DNAH11: variants seen among roughly 807,000 people sequenced by gnomAD.
DNAH11 encodes the protein dynein axonemal heavy chain 11.
Under a neutral mutation model 526.0 loss-of-function variants are expected in DNAH11, and 442 were observed. The observed-to-expected ratio is 0.84, with a 90% CI of 0.78 to 0.91. DNAH11 has a LOEUF of 0.91. Ranked by LOEUF, DNAH11 falls within the 40% of genes least tolerant of loss-of-function variation. The pLI, the probability that DNAH11 is intolerant of heterozygous loss-of-function variation, is 0.00. For missense variants in DNAH11, 6,989 were observed against 5,448.7 expected, an observed-to-expected ratio of 1.28 and a Z score of -8.90; for synonymous variants, 2,461 against 1,935.9, an observed-to-expected ratio of 1.27 and a Z score of -7.12.
intron 73 of DNAH11, 131 bp from the exon 74 acceptor site, chr7:21,873,143 G>T (rs1783564526): frequency 8.9e-6 from 7 of 782,670 alleles, no homozygotes; most frequent in South Asian, 3.4e-5. Flanking sequence ...TTTTTATGAT[G>T]TATTGATAAA....
At chr7:21,852,730 G>A (rs1562584678) in intron 67 of DNAH11, 99 bp downstream of exon 67, 14 of 1,297,850 alleles carry the variant, frequency 1.1e-5, no homozygotes, top group Middle Eastern at 2.6e-4. Context: ...CCTCTAAGAG[G>A]ACCAGCGTGT....
chr7:21,833,670 G>A (rs1158869896), intron 65 of DNAH11, among the ~76,000 whole-genome samples: 2 of 151,740 alleles, frequency 1.3e-5, no homozygotes, highest in African/African-American at 4.8e-5. Context: ...TCTCCAGCCT[G>A]GGCAACAGAG....
intron 22 of DNAH11, 24 bp downstream of exon 22, chr7:21,616,316 C>T (rs371978437): frequency 8.9e-5 from 141 of 1,581,818 alleles, no homozygotes; most frequent in Non-Finnish European, 1.2e-4. Flanking sequence ...CTGTCTATTA[C>T]AACAATTTAT....
chr7:21,686,105 A>T (rs540290757), intron 32 of DNAH11, among the ~76,000 whole-genome samples: 7 of 152,358 alleles, frequency 4.6e-5, no homozygotes, highest in African/African-American at 1.7e-4. Context: ...TGCAATGGAT[A>T]TAAAATGCAG....
chr7:21,702,372 A>T (rs1784099894), intron 36 of DNAH11, among the ~76,000 whole-genome samples: 1 of 152,042 alleles, frequency 6.6e-6, no homozygotes, highest in South Asian at 2.1e-4. Flanking sequence ...TTCTGGTTGG[A>T]GGTGAAAACG....
chr7:21,867,342 A>G (rs1783319787), intron 71 of DNAH11, among the ~76,000 whole-genome samples: 1 of 152,174 alleles, frequency 6.6e-6, no homozygotes, highest in Non-Finnish European at 1.5e-5. Flanking sequence ...CTTTGCAGAA[A>G]CCTCTGCTGA....
intron 74 of DNAH11, among the ~76,000 whole-genome samples, chr7:21,878,825 C>G (rs920106185): frequency 6.6e-6 from 1 of 152,138 alleles, no homozygotes; most frequent in African/African-American, 2.4e-5. Flanking sequence ...GTCTGAACTA[C>G]TCACACTGGT....
chr7:21,615,296 T>A, intron 21 of DNAH11, 24 bp downstream of exon 21: 1 of 1,605,552 alleles, frequency 6.2e-7, no homozygotes, highest in Non-Finnish European at 8.5e-7. Flanking sequence ...TTTCAAAACA[T>A]GCTTTTTATT....
intron 21 of DNAH11, among the ~76,000 whole-genome samples, 182 bp downstream of exon 21, chr7:21,615,454 T>C (rs546038249): frequency 6.6e-6 from 1 of 152,270 alleles, no homozygotes; most frequent in East Asian, 1.9e-4. Flanking sequence ...CTTCTTTGAA[T>C]ACCAGTTGTT....
intron 62 of DNAH11, among the ~76,000 whole-genome samples, chr7:21,805,121 C>T (rs1027394182): frequency 6.6e-6 from 1 of 152,126 alleles, no homozygotes; most frequent in African/African-American, 2.4e-5. Flanking sequence ...CTCTGACCTC[C>T]CTACATAAAA....
intron 67 of DNAH11, 78 bp from the exon 68 acceptor site, chr7:21,854,237 A>G: frequency 2.0e-6 from 3 of 1,489,584 alleles, no homozygotes; most frequent in Non-Finnish European, 2.7e-6. Flanking sequence ...CATTTCAGGT[A>G]CGTCCTTCCA....
intron 30 of DNAH11, among the ~76,000 whole-genome samples, chr7:21,669,327 G>A (rs547300050): frequency 3.5e-4 from 53 of 152,170 alleles, no homozygotes; most frequent in African/African-American, 1.3e-3. Flanking sequence ...AAGCACCACC[G>A]TGCTCAGTTT....
At chr7:21,620,870 C>T (rs537877024) in intron 25 of DNAH11, among the ~76,000 whole-genome samples, 33 of 151,766 alleles carry the variant, frequency 2.2e-4, no homozygotes, top group African/African-American at 7.7e-4. Context: ...CAATTTCATC[C>T]ATGTCCCTAC....
chr7:21,727,926 G>A (rs575071197), intron 45 of DNAH11, among the ~76,000 whole-genome samples: 3 of 152,194 alleles, frequency 2.0e-5, no homozygotes, highest in South Asian at 2.1e-4. Context: ...ATCGCTTGCC[G>A]TGACCTCACA....
intron 54 of DNAH11, among the ~76,000 whole-genome samples, chr7:21,756,147 C>A (rs79036947): frequency 0.048 from 7,327 of 152,024 alleles, 356 homozygotes; most frequent in East Asian, 0.29. Flanking sequence ...GTTATAAAAA[C>A]TATTATTCTG....
chr7:21,702,013 G>A (rs1784083672), intron 36 of DNAH11, among the ~76,000 whole-genome samples: 1 of 152,122 alleles, frequency 6.6e-6, no homozygotes, highest in South Asian at 2.1e-4. Flanking sequence ...GCCCCAAGAA[G>A]ACAGTGAATA....
chr7:21,585,922 A>G (rs558134856), intron 9 of DNAH11, among the ~76,000 whole-genome samples: 30 of 152,370 alleles, frequency 2.0e-4, no homozygotes, highest in African/African-American at 6.5e-4. Flanking sequence ...CTTGAAGTCA[A>G]TGTGAAAGAA....
At position 21,720,994 on chromosome 7, in the gene DNAH11, T is replaced by C. The variant is rs1784855723; in HGVS notation, c.7266+138T>C. The C allele has an allele frequency of 4.5e-6, 5 of 1,119,512 alleles. No individual in the cohort carries two copies. The South Asian group carries it at 9.2e-5, about 21-fold the overall frequency. 69.3% of individuals were successfully genotyped at this position (1,119,512 alleles called of 1,614,324 possible). The stretch of plus-strand genomic sequence containing the variant: ...CTTGCCCTGTTCTCTCCTAAGTCTA[T>C]GCATTCTCTGGGTAGTCCCATCCCT... On this transcript the variant is annotated intron_variant, in intron 44 of 81. Coordinates refer to ENST00000409508, the MANE Select transcript of DNAH11 (RefSeq NM_001277115.2).
At chr7:21,850,659 GTTGAAAACC>G (rs1028565249) in intron 66 of DNAH11, among the ~76,000 whole-genome samples, 1 of 35,868 alleles carries the variant, frequency 2.8e-5, no homozygotes, top group South Asian at 8.4e-4. Context: ...GTACTTATTT[GTTGAAAACC>G]TTGAAAACCA....
Sources: gnomAD v4.1 joint callset for allele counts (sites outside exome capture counted in the v4.1 genomes callset) on GRCh38, gnomAD v4.1.1 for gene constraint, MANE v1.5 for transcripts, NCBI Gene and HGNC (gene_info 2026-07-23, HGNC 2026-07-21) for gene names.